ZMIZ1: variants seen among roughly 807,000 people sequenced by gnomAD.
ZMIZ1 encodes zinc finger MIZ-type containing 1.
In ZMIZ1, 17 loss-of-function variants were observed where a neutral mutation model predicts 113.9. That is an observed-to-expected ratio of 0.15 (90% CI 0.10 to 0.22). The LOEUF is 0.22. ZMIZ1 is among the 10% of genes least tolerant of loss of function. ZMIZ1 has a pLI of 1.00. For missense variants in ZMIZ1, 1,059 were observed against 1,477.8 expected, an observed-to-expected ratio of 0.72 and a Z score of 4.65; for synonymous variants, 607 against 603.1, an observed-to-expected ratio of 1.01 and a Z score of -0.09.
chr10:79,101,517 A>G (rs1843363344), intron 1 of ZMIZ1, among the ~76,000 whole-genome samples: 1 of 152,134 alleles, frequency 6.6e-6, no homozygotes, highest in Admixed American at 6.5e-5. Flanking sequence ...GGGCTACTGG[A>G]TCCTGGAATG....
intron 7 of ZMIZ1, among the ~76,000 whole-genome samples, chr10:79,254,039 T>C (rs933091275): frequency 2.6e-5 from 4 of 152,254 alleles, no homozygotes; most frequent in African/African-American, 9.6e-5. Context: ...TGAGTAGCTA[T>C]CACTTGTTTG....
At chr10:79,276,773 TGA>T (rs1852319256) in intron 7 of ZMIZ1, among the ~76,000 whole-genome samples, 1 of 152,138 alleles carries the variant, frequency 6.6e-6, no homozygotes, top group South Asian at 2.1e-4. Context: ...TGAGCTTCCC[TGA>T]GGGGGATCTG....
chr10:79,262,994 C>T (rs898153099), intron 7 of ZMIZ1, among the ~76,000 whole-genome samples: 3 of 152,220 alleles, frequency 2.0e-5, no homozygotes, highest in African/African-American at 4.8e-5. Flanking sequence ...ATGTGCCAGC[C>T]GTCAGCTGCT....
chr10:79,148,923 C>T (rs765747958), intron 3 of ZMIZ1, among the ~76,000 whole-genome samples: 1 of 152,238 alleles, frequency 6.6e-6, no homozygotes, highest in Non-Finnish European at 1.5e-5. Flanking sequence ...TGGGTCTGTA[C>T]GTGGCCCCGC....
At chr10:79,219,969 G>A (rs905907524) in intron 7 of ZMIZ1, among the ~76,000 whole-genome samples, 1 of 152,182 alleles carries the variant, frequency 6.6e-6, no homozygotes, top group Non-Finnish European at 1.5e-5. Context: ...GGGCCAGTCT[G>A]AGGAGGAAGC....
At chr10:79,164,177 G>C (rs1460291336) in intron 4 of ZMIZ1, among the ~76,000 whole-genome samples, 2 of 152,168 alleles carry the variant, frequency 1.3e-5, no homozygotes, top group Non-Finnish European at 2.9e-5. Context: ...TTCTTCCCAG[G>C]GCTGGCCCAC....
At chr10:79,120,403 C>T (rs1844240807) in intron 2 of ZMIZ1, among the ~76,000 whole-genome samples, 1 of 152,196 alleles carries the variant, frequency 6.6e-6, no homozygotes, top group African/African-American at 2.4e-5. Flanking sequence ...GGGTGCATTC[C>T]AACAAGAAGA....
At chr10:79,243,490 G>C (rs1226493930) in intron 7 of ZMIZ1, among the ~76,000 whole-genome samples, 2 of 148,012 alleles carry the variant, frequency 1.4e-5, no homozygotes, top group Non-Finnish European at 3.0e-5. Context: ...CAGCGAGCGG[G>C]AGCGCGGGAG....
intron 18 of ZMIZ1, 138 bp downstream of exon 18, chr10:79,302,350 G>T: frequency 1.2e-6 from 1 of 832,740 alleles, no homozygotes; most frequent in Non-Finnish European, 1.9e-6. Flanking sequence ...GTCCCTGAGC[G>T]CGCCCTGTCC....
At chr10:79,182,152 G>A (rs1409580847) in intron 4 of ZMIZ1, among the ~76,000 whole-genome samples, 3 of 152,242 alleles carry the variant, frequency 2.0e-5, no homozygotes, top group Non-Finnish European at 4.4e-5. Flanking sequence ...ATGCATGGAC[G>A]CACCTCTCCC....
chr10:79,162,456 T>G (rs1846151582), intron 4 of ZMIZ1, among the ~76,000 whole-genome samples: 1 of 152,144 alleles, frequency 6.6e-6, no homozygotes, highest in African/African-American at 2.4e-5. Context: ...CTAAACCCTG[T>G]GGAGTATGGG....
At chr10:79,091,930 G>A (rs1842992420) in intron 1 of ZMIZ1, among the ~76,000 whole-genome samples, 1 of 152,172 alleles carries the variant, frequency 6.6e-6, no homozygotes, top group Admixed American at 6.5e-5. Flanking sequence ...GGTTGGAGGA[G>A]ACCTGAGCCT....
rs1314064807 is a variant in ZMIZ1 at position 79,315,751 on chromosome 10, A to G, written c.*3002A>G. The G allele has an allele frequency of 6.5e-6, 1 of 152,786 alleles. No homozygotes were observed. The highest frequency in any genetic ancestry group is 1.5e-5 in the Non-Finnish European group (1 of 68,046). 9.5% of individuals were successfully genotyped at this position (152,786 alleles called of 1,614,324 possible). On this transcript the variant is annotated 3_prime_UTR_variant, in exon 25 of 25. Coordinates refer to ENST00000334512, the MANE Select transcript of ZMIZ1 (RefSeq NM_020338.4). ...ACACAGGGCCGTGTCAACAGCAGCG[A>G]CTCAAGGGACGTGTGTACATATGTA...
chr10:79,258,153 A>G (rs991430896), intron 7 of ZMIZ1, among the ~76,000 whole-genome samples: 4 of 152,202 alleles, frequency 2.6e-5, no homozygotes, highest in African/African-American at 4.8e-5. Context: ...AGGCTGAGAC[A>G]GGAGGATTGC....
intron 2 of ZMIZ1, among the ~76,000 whole-genome samples, chr10:79,134,166 G>A (rs1267571848): frequency 3.3e-5 from 5 of 152,192 alleles, no homozygotes; most frequent in Non-Finnish European, 5.9e-5. Flanking sequence ...TCTGAAGCCC[G>A]GGGTCACCAG....
At chr10:79,151,720 G>T (rs1206252664) in intron 3 of ZMIZ1, among the ~76,000 whole-genome samples, 1 of 152,180 alleles carries the variant, frequency 6.6e-6, no homozygotes, top group African/African-American at 2.4e-5. Context: ...GGGTTGTCTG[G>T]GTTTGCCACT....
intron 7 of ZMIZ1, among the ~76,000 whole-genome samples, chr10:79,243,261 TGCGCCCCCGCCCCCCGC>T (rs1237202055): frequency 6.7e-6 from 1 of 149,116 alleles, no homozygotes. Flanking sequence ...GCGCGCCCCG[TGCGCCCCCGCCCCCCGC>T]GCGCCCCCGG....
At chr10:79,124,245 C>CA (rs995681967) in intron 2 of ZMIZ1, among the ~76,000 whole-genome samples, 15 of 152,186 alleles carry the variant, frequency 9.9e-5, no homozygotes, top group South Asian at 4.1e-4. Flanking sequence ...TCTGTAAAAT[C>CA]AGAGGATTGG....
intron 1 of ZMIZ1, among the ~76,000 whole-genome samples, chr10:79,110,973 G>A (rs1386643673): frequency 6.6e-6 from 1 of 152,242 alleles, no homozygotes; most frequent in African/African-American, 2.4e-5. Context: ...CTTCCAGATG[G>A]GGTGGCCACT....
Sources: allele counts gnomAD v4.1 joint callset (sites outside exome capture counted in the v4.1 genomes callset), GRCh38; gene constraint gnomAD v4.1.1; transcripts MANE v1.5; gene names NCBI Gene and HGNC (gene_info 2026-07-23, HGNC 2026-07-21).